The following RFC3 variants were observed in gnomAD, a reference collection of about 807,000 sequenced individuals.
RFC3 encodes the protein A1 38 kDa subunit.
In RFC3, 41 loss-of-function variants were observed where a neutral mutation model predicts 45.1. The observed-to-expected ratio is 0.91, with a 90% CI of 0.71 to 1.18. RFC3 has a LOEUF of 1.18. Among genes scored for constraint, RFC3 ranks in the 50% most tolerant of loss-of-function variants. The pLI, the probability that RFC3 is intolerant of heterozygous loss-of-function variation, is 0.00. For missense variants in RFC3, 423 were observed against 428.1 expected, an observed-to-expected ratio of 0.99 and a Z score of 0.10; for synonymous variants, 149 against 144.0, an observed-to-expected ratio of 1.03 and a Z score of -0.25.
At chr13:33,818,303 GC>G (rs748863625) in intron 1 of RFC3, 38 bp downstream of exon 1, 67 of 1,577,820 alleles carry the variant, frequency 4.2e-5, no homozygotes, top group South Asian at 2.1e-4. Flanking sequence ...GAGAGGGGAG[GC>G]CCCCCGGCTC....
At chr13:33,964,561 G>A (rs1327302572) in intron 8 of RFC3, among the ~76,000 whole-genome samples, 3 of 152,206 alleles carry the variant, frequency 2.0e-5, no homozygotes, top group South Asian at 2.1e-4. Flanking sequence ...CATCATCCCC[G>A]TCTCCTCCTG....
At position 33,876,238 on chromosome 13, in the gene RFC3, A is replaced by G. The variant is rs539056714; in HGVS notation, c.879+41021A>G. 1.6e-3 allele frequency among the ~76,000 whole-genome samples: 245 copies of G among 152,334 alleles called. 2 individuals are homozygous for G. Among genetic ancestry groups the G allele is most frequent in the African/African-American group, 5.8e-3 (240 of 41,584 alleles). On this transcript the variant is annotated intron_variant, in intron 8 of 8. Coordinates refer to the RFC3 transcript ENST00000434425. ...CAAACAGTTTAAACAATTAGCTCCC[A>G]GGTGATACAGCTGAAGATACAGCTG...
chr13:33,826,552 T>C (rs976045742), intron 4 of RFC3, among the ~76,000 whole-genome samples: 43 of 152,196 alleles, frequency 2.8e-4, no homozygotes, highest in African/African-American at 1.0e-3. Context: ...GCTGTACATA[T>C]TCTCAGCTGA....
chr13:33,899,395 A>T (rs1379562707), intron 8 of RFC3, among the ~76,000 whole-genome samples: 3 of 151,818 alleles, frequency 2.0e-5, no homozygotes, highest in African/African-American at 4.8e-5. Flanking sequence ...AAATCAGTAA[A>T]TGTGATACAT....
chr13:33,882,107 G>A (rs1239291013), intron 8 of RFC3, among the ~76,000 whole-genome samples: 2 of 152,144 alleles, frequency 1.3e-5, no homozygotes, highest in African/African-American at 2.4e-5. Context: ...AAAAAGTTAC[G>A]AAAGTAGAAC....
At chr13:33,948,825 C>T (rs2082970655) in intron 8 of RFC3, among the ~76,000 whole-genome samples, 1 of 152,192 alleles carries the variant, frequency 6.6e-6, no homozygotes, top group African/African-American at 2.4e-5. Flanking sequence ...CAATTTCTCC[C>T]ATTTGGAATG....
At chr13:33,859,463 T>G (rs759198390) in intron 8 of RFC3, among the ~76,000 whole-genome samples, 18 of 152,150 alleles carry the variant, frequency 1.2e-4, no homozygotes, top group Non-Finnish European at 1.8e-4. Context: ...TATCAAAACA[T>G]TTATATTTTA....
chr13:33,926,214 G>T (rs868564523), intron 8 of RFC3, among the ~76,000 whole-genome samples: 19 of 126,878 alleles, frequency 1.5e-4, no homozygotes, highest in Non-Finnish European at 2.7e-4. Context: ...GTTGTGGGGT[G>T]GGGGGAGGGG....
chr13:33,840,963 A>G (rs1233615011), downstream of RFC3, among the ~76,000 whole-genome samples: 1 of 152,204 alleles, frequency 6.6e-6, no homozygotes, highest in African/African-American at 2.4e-5. Context: ...TGTAAAATTC[A>G]GGGGTCCTCA....
intron 8 of RFC3, among the ~76,000 whole-genome samples, chr13:33,922,150 CTTTT>C (rs11317609): frequency 7.9e-6 from 1 of 126,520 alleles, no homozygotes. Flanking sequence ...AGCTTCATTG[CTTTT>C]TTTTTTTTTT....
At chr13:33,869,715 A>G (rs1242419111) in intron 8 of RFC3, among the ~76,000 whole-genome samples, 1 of 152,124 alleles carries the variant, frequency 6.6e-6, no homozygotes, top group Admixed American at 6.6e-5. Context: ...TCCTGCAGGG[A>G]AAGTGGGGAG....
intron 8 of RFC3, among the ~76,000 whole-genome samples, chr13:33,936,118 GA>G (rs2082884810): frequency 6.6e-6 from 1 of 152,146 alleles, no homozygotes; most frequent in African/African-American, 2.4e-5. Flanking sequence ...GGAAGAAGCA[GA>G]AAGCCTTGGT....
At chr13:33,964,293 G>C (rs2083074616) in intron 8 of RFC3, among the ~76,000 whole-genome samples, 1 of 152,154 alleles carries the variant, frequency 6.6e-6, no homozygotes, top group Non-Finnish European at 1.5e-5. Context: ...CCAAAGCCTA[G>C]ACTTTTTAAA....
At chr13:33,835,948 C>T (rs1224051884) in intron 8 of RFC3, among the ~76,000 whole-genome samples, 156 bp from the exon 9 acceptor site, 3 of 152,098 alleles carry the variant, frequency 2.0e-5, no homozygotes, top group Non-Finnish European at 4.4e-5. Context: ...AAAGTTTTTG[C>T]TTTTGGATGA....
intron 8 of RFC3, among the ~76,000 whole-genome samples, chr13:33,870,203 G>C (rs1447376580): frequency 6.6e-6 from 1 of 152,232 alleles, no homozygotes; most frequent in Admixed American, 6.5e-5. Flanking sequence ...TGGAACTGGT[G>C]AAGGGCAAAG....
the RFC3 span, among the ~76,000 whole-genome samples, chr13:33,971,705 T>A: frequency 2.0e-5 from 3 of 152,384 alleles, no homozygotes; most frequent in African/African-American, 7.2e-5. Flanking sequence ...TTTATCTATG[T>A]CTCAGCAGCT....
chr13:33,831,329 A>C lies in RFC3; in HGVS notation c.784A>C (p.Ile262Leu). 2.5e-6 allele frequency: 4 copies of C among 1,607,018 alleles called. No homozygotes were observed. The highest frequency in any genetic ancestry group is 3.4e-6 in the Non-Finnish European group (4 of 1,173,508). ...GTATCTGAGGGAGACTGCAAATGCT[A>C]TTGTCAGTCAGCAAACTCCACAAAG... ...EVYLRETANA[I>L]VSQQTPQRLL... Residue 262 changes from isoleucine (I) to leucine (L), a missense_variant, in exon 7 of 9, where the codon ATT becomes CTT. Ile to Leu is a conservative substitution (Grantham distance 5). Transcript: ENST00000380071.
In RFC3 at chr13:33,821,217, A is replaced by G. The variant is rs916535031; in HGVS notation, c.173A>G (p.Glu58Gly). Residue 58 changes from glutamate (E) to glycine (G), a missense_variant, in exon 2 of 9, where the codon GAA (glutamate) becomes GGA (glycine). Glu to Gly is a moderately conservative substitution (Grantham distance 98). Transcript: ENST00000380071. Reference sequence around the variant, plus strand: ...ACAAGAATTATGTGTATTCTACGTGAACTTTATGGTGTTGGAGTGGAAAAA... The same window carrying G: ...ACAAGAATTATGTGTATTCTACGTGGACTTTATGGTGTTGGAGTGGAAAAA... ...KKTRIMCILR[E>G]LYGVGVEKLR... The G allele has an allele frequency of 6.2e-6, 10 of 1,613,724 alleles. No individual in the cohort carries two copies. The African/African-American group carries it at 6.7e-5, about 11-fold the overall frequency.
intron 8 of RFC3, among the ~76,000 whole-genome samples, chr13:33,961,944 A>C (rs1207823382): frequency 6.6e-6 from 1 of 152,216 alleles, no homozygotes; most frequent in Non-Finnish European, 1.5e-5. Context: ...GAATTTTAGC[A>C]AAAGAGAAGG....
Sources: gnomAD v4.1 joint callset for allele counts (sites outside exome capture counted in the v4.1 genomes callset) on GRCh38, gnomAD v4.1.1 for gene constraint, MANE v1.5 for transcripts, NCBI Gene and HGNC (gene_info 2026-07-23, HGNC 2026-07-21) for gene names.